Variants in RALYL observed in about 807,000 individuals in gnomAD.
RALYL encodes RNA-binding Raly-like protein.
In RALYL, 29 loss-of-function variants were observed where a neutral mutation model predicts 35.1. The observed-to-expected ratio is 0.83, with a 90% CI of 0.61 to 1.13. The LOEUF is 1.13. Among genes scored for constraint, RALYL ranks in the 50% most tolerant of loss-of-function variants. The pLI is 0.00. For synonymous variants in RALYL, 120 were observed against 127.6 expected (o/e 0.94, Z 0.40); for missense variants, 359 against 360.4 (o/e 1.00, Z 0.03).
chr8:84,703,412 T>C (rs1054252751), intron 2 of RALYL, among the ~76,000 whole-genome samples: 2 of 152,080 alleles, frequency 1.3e-5, no homozygotes, highest in Admixed American at 1.3e-4. Context: ...CGAGTACAAG[T>C]CTGGCTGTTT....
chr8:84,676,277 T>C (rs973413835), intron 2 of RALYL, among the ~76,000 whole-genome samples: 37 of 152,244 alleles, frequency 2.4e-4, no homozygotes, highest in Non-Finnish European at 4.7e-4. Context: ...ATACTATGAC[T>C]ATATCAGAAA....
At chr8:84,428,981 C>T (rs2046848835) in intron 1 of RALYL, among the ~76,000 whole-genome samples, 1 of 152,116 alleles carries the variant, frequency 6.6e-6, no homozygotes, top group Non-Finnish European at 1.5e-5. Context: ...CTAGGATTTA[C>T]TTACACATGG....
intron 1 of RALYL, among the ~76,000 whole-genome samples, chr8:84,237,908 A>G (rs1226618716): frequency 6.6e-6 from 1 of 152,088 alleles, no homozygotes. Context: ...AGAAAGGTAC[A>G]CCAAAAGAGG....
chr8:84,889,185 T>TTAGAG (rs113471664), intron 8 of RALYL, among the ~76,000 whole-genome samples: 69,226 of 151,640 alleles, frequency 0.46, 18,755 homozygotes, highest in African/African-American at 0.74. Flanking sequence ...TGATTAAGGA[T>TTAGAG]TAAAGAACAA....
chr8:84,753,488 G>T (rs1203489590), intron 2 of RALYL, among the ~76,000 whole-genome samples: 3 of 152,140 alleles, frequency 2.0e-5, no homozygotes, highest in Non-Finnish European at 2.9e-5. Context: ...AGAATGATAA[G>T]ATTTGAGTTT....
At chr8:84,384,953 T>A (rs1214756735) in intron 1 of RALYL, among the ~76,000 whole-genome samples, 1 of 151,768 alleles carries the variant, frequency 6.6e-6, no homozygotes, top group Non-Finnish European at 1.5e-5. Flanking sequence ...CCCCAATTCT[T>A]GCAACATTTG....
chr8:84,684,086 T>C (rs9886561), intron 2 of RALYL, among the ~76,000 whole-genome samples: 44,211 of 151,948 alleles, frequency 0.29, 7,156 homozygotes, highest in African/African-American at 0.43. Context: ...TTAACTATTA[T>C]GCCAAATTCA....
intron 1 of RALYL, among the ~76,000 whole-genome samples, chr8:84,431,036 G>T (rs553897691): frequency 1.3e-5 from 2 of 152,044 alleles, no homozygotes; most frequent in African/African-American, 2.4e-5. Flanking sequence ...CACTAATACC[G>T]ATCTCATAAA....
chr8:84,664,353 T>C (rs1831546333), intron 2 of RALYL, among the ~76,000 whole-genome samples: 1 of 151,692 alleles, frequency 6.6e-6, no homozygotes. Context: ...AATAGGTTTT[T>C]TCTAGTTCTG....
intron 2 of RALYL, among the ~76,000 whole-genome samples, chr8:84,654,277 A>ATG (rs1438669422): frequency 4.8e-5 from 4 of 82,782 alleles, no homozygotes; most frequent in African/African-American, 1.9e-4. Flanking sequence ...TTCCATATAT[A>ATG]TATATATATA....
chr8:84,589,397 AC>A (rs1812729535), intron 2 of RALYL, among the ~76,000 whole-genome samples: 1 of 152,242 alleles, frequency 6.6e-6, no homozygotes, highest in African/African-American at 2.4e-5. Context: ...CAGGTAATTA[AC>A]TTTATGTTGA....
intron 1 of RALYL, among the ~76,000 whole-genome samples, chr8:84,525,472 CA>C (rs2058810763): frequency 6.6e-6 from 1 of 151,792 alleles, no homozygotes; most frequent in Non-Finnish European, 1.5e-5. Flanking sequence ...TGGTTATATA[CA>C]TATTTATTCT....
intron 2 of RALYL, among the ~76,000 whole-genome samples, chr8:84,709,361 A>G (rs1841767606): frequency 6.6e-6 from 1 of 152,154 alleles, no homozygotes. Context: ...AGGTTACTAC[A>G]TATTAATATT....
intron 4 of RALYL, among the ~76,000 whole-genome samples, chr8:84,814,938 A>C (rs563380409): frequency 2.6e-5 from 4 of 152,204 alleles, no homozygotes; most frequent in Non-Finnish European, 5.9e-5. Context: ...GTGTTTTCCA[A>C]CGCTACCTAG....
In RALYL at chr8:84,862,395, A is replaced by T. The variant is rs1838289895; in HGVS notation, c.513A>T (p.Gly171=). The T allele has an allele frequency of 6.2e-7, 1 of 1,607,154 alleles. No homozygotes were observed. The highest frequency in any genetic ancestry group is 8.5e-7 in the Non-Finnish European group (1 of 1,177,154). ...TCACAACGACTCGCAGGGGGAAAGG[A>T]GTCTTTTCCATGAAAGGTGGATCGA... ...VAVTTTRRGK[G]VFSMKGGSRS... is the part of the protein sequence containing the mutation. Residue 171 remains glycine, a synonymous_variant, in exon 6 of 9, where the codon GGA becomes GGT. Transcript: ENST00000521268.
At chr8:84,534,474 C>A (rs796690087) in intron 2 of RALYL, among the ~76,000 whole-genome samples, 57 of 152,208 alleles carry the variant, frequency 3.7e-4, no homozygotes, top group African/African-American at 1.2e-3. Flanking sequence ...GTCCCTTCTC[C>A]CTCTAAGCTA....
rs2057163710 is a variant in RALYL, at chr8:84,506,361, C to T, written c.-23-22938C>T. Among the ~76,000 whole-genome samples the T allele has an allele frequency of 2.1e-5, 3 of 142,354 alleles. No individual in the cohort carries two copies. The South Asian group carries it at 7.0e-4, about 33-fold the overall frequency. 93.4% of individuals were successfully genotyped at this position (142,354 alleles called of 152,430 possible). A position where few individuals can be genotyped will look rare whatever the true frequency, so the allele number is the denominator to read the frequency against. ...AACCAAGGCCACCTGATTCCAGGTTCTATGATATCAATATTCTGTGATTAC... is the reference window on the plus strand; with the variant it reads ...AACCAAGGCCACCTGATTCCAGGTTTTATGATATCAATATTCTGTGATTAC... On this transcript the variant is annotated intron_variant, in intron 1 of 8. Coordinates refer to ENST00000521268, the MANE Select transcript of RALYL (RefSeq NM_173848.7).
At chr8:84,812,903 C>A (rs533629257) in intron 4 of RALYL, among the ~76,000 whole-genome samples, 63 of 152,282 alleles carry the variant, frequency 4.1e-4, no homozygotes, top group African/African-American at 1.4e-3. Flanking sequence ...ACACTGGATT[C>A]CCGCTCTCCC....
intron 1 of RALYL, among the ~76,000 whole-genome samples, chr8:84,403,241 A>C (rs2043102136): frequency 6.6e-6 from 1 of 151,978 alleles, no homozygotes; most frequent in Non-Finnish European, 1.5e-5. Flanking sequence ...GCCCATTCCT[A>C]CGTCCTGAAT....
Sources: gnomAD v4.1 joint callset for allele counts (sites outside exome capture counted in the v4.1 genomes callset) on GRCh38, gnomAD v4.1.1 for gene constraint, MANE v1.5 for transcripts, NCBI Gene and HGNC (gene_info 2026-07-23, HGNC 2026-07-21) for gene names.